The following CACNA1C variants were observed in gnomAD, a reference collection of about 807,000 sequenced individuals.
The protein encoded by CACNA1C is voltage-dependent L-type calcium channel subunit alpha-1C.
In CACNA1C, 30 loss-of-function variants were observed where a neutral mutation model predicts 229.0. The ratio of observed to expected loss-of-function variants is 0.13; its 90% CI spans 0.10 to 0.18. The LOEUF (loss-of-function observed/expected upper bound fraction) is 0.18. Among genes scored for constraint, CACNA1C ranks in the 10% least tolerant of loss-of-function variants. CACNA1C has a pLI of 1.00. For synonymous variants in CACNA1C, 1,114 were observed against 1,132.5 expected (o/e 0.98, Z 0.33); for missense variants, 1,658 against 2,845.0 (o/e 0.58, Z 9.49).
chr12:2,624,410 T>C (rs1346107456), intron 29 of CACNA1C, among the ~76,000 whole-genome samples: 2 of 152,130 alleles, frequency 1.3e-5, no homozygotes, highest in Non-Finnish European at 2.9e-5. Flanking sequence ...ACACTGATAG[T>C]GGGGGAGTCT....
At chr12:2,471,133 A>G (rs1349017746) in intron 5 of CACNA1C, among the ~76,000 whole-genome samples, 1 of 152,210 alleles carries the variant, frequency 6.6e-6, no homozygotes, top group Non-Finnish European at 1.5e-5. Context: ...TGCCTGACGT[A>G]CACATCATTT....
intron 5 of CACNA1C, among the ~76,000 whole-genome samples, chr12:2,461,851 C>G (rs2099506151): frequency 6.6e-6 from 1 of 152,224 alleles, no homozygotes; most frequent in South Asian, 2.1e-4. Flanking sequence ...GCCCTCGCCT[C>G]CGTCCTGGAT....
rs192753361 is a variant in CACNA1C, at chr12:2,126,347, T to C, written c.477+5917T>C. Among the ~76,000 whole-genome samples the C allele has an allele frequency of 3.6e-4, 55 of 152,328 alleles. 1 individual carries two copies. In the East Asian group the frequency reaches 9.3e-3, roughly 26 times the overall value. ...TCTATGCAGCACATCGTTTATAATATAGCAGCTGTAACCCCTGTCTACCAA... is the reference window on the plus strand; with the variant it reads ...TCTATGCAGCACATCGTTTATAATACAGCAGCTGTAACCCCTGTCTACCAA... On this transcript the variant is annotated intron_variant, in intron 3 of 46. Coordinates refer to ENST00000399655, the MANE Select transcript of CACNA1C (RefSeq NM_000719.7).
chr12:2,432,687 A>C (rs1278633939), intron 3 of CACNA1C, among the ~76,000 whole-genome samples: 1 of 152,192 alleles, frequency 6.6e-6, no homozygotes, highest in Non-Finnish European at 1.5e-5. Context: ...TTTTTAAAAA[A>C]TGGAGTGTGT....
intron 3 of CACNA1C, among the ~76,000 whole-genome samples, chr12:2,386,945 C>CCG: frequency 6.6e-6 from 1 of 152,348 alleles, no homozygotes; most frequent in South Asian, 2.1e-4. Flanking sequence ...ACTGCCATTC[C>CCG]TGTGATGGAC....
At chr12:2,277,484 A>C (rs187964341) in intron 3 of CACNA1C, among the ~76,000 whole-genome samples, 6 of 150,790 alleles carry the variant, frequency 4.0e-5, no homozygotes, top group Non-Finnish European at 5.9e-5. Context: ...CTGTTTCCCA[A>C]CTGTTGCTCT....
At chr12:2,052,163 G>A (rs181265317), upstream of CACNA1C, among the ~76,000 whole-genome samples, 839 of 152,260 alleles carry the variant, frequency 5.5e-3, 10 homozygotes, top group African/African-American at 0.019. Context: ...CGGAGTTGCA[G>A]AAATAATTAA....
intron 3 of CACNA1C, among the ~76,000 whole-genome samples, chr12:2,421,062 T>G (rs1330878474): frequency 6.6e-6 from 1 of 152,250 alleles, no homozygotes; most frequent in Non-Finnish European, 1.5e-5. Flanking sequence ...TCCATCAGTG[T>G]CAAGAAGACA....
chr12:1,973,740 A>G (rs1780801416), intron 1 of CACNA1C, among the ~76,000 whole-genome samples: 1 of 152,240 alleles, frequency 6.6e-6, no homozygotes, highest in South Asian at 2.1e-4. Context: ...TTTAAAAATT[A>G]GGAAGCAGAA....
At chr12:2,197,031 C>A (rs1407696670) in intron 3 of CACNA1C, among the ~76,000 whole-genome samples, 1 of 152,146 alleles carries the variant, frequency 6.6e-6, no homozygotes, top group Admixed American at 6.5e-5. Context: ...AGCTGCCCAG[C>A]AAAGTAAATG....
intron 5 of CACNA1C, among the ~76,000 whole-genome samples, chr12:2,460,471 T>C (rs2099492700): frequency 6.6e-6 from 1 of 152,182 alleles, no homozygotes; most frequent in Non-Finnish European, 1.5e-5. Context: ...GAGATGAATA[T>C]GGTTGAGAGC....
In CACNA1C at chr12:2,595,028, G is replaced by A. The variant is rs1032911538; in HGVS notation, c.2664-846G>A. Among the ~76,000 whole-genome samples, 2 of 152,196 alleles carry A rather than the reference G, an allele frequency of 1.3e-5. No individual in the cohort carries two copies. Among genetic ancestry groups the A allele is most frequent in the Middle Eastern group, 3.2e-3 (1 of 316 alleles). On this transcript the variant is annotated intron_variant, in intron 19 of 46. Transcript: ENST00000399655. This position sits in a 1 kb window ranked among gnomAD's most constrained non-coding sequence, Gnocchi z 4.1. ...GGTTGGTGGGAGGGGTTGTTGGTTT[G>A]AAGCAGATGATTCTTACAGCCATCT...
intron 1 of CACNA1C, among the ~76,000 whole-genome samples, chr12:2,022,343 A>G (rs1750902340): frequency 6.6e-6 from 1 of 152,082 alleles, no homozygotes; most frequent in Non-Finnish European, 1.5e-5. Flanking sequence ...TCTTAAATGT[A>G]TGTATAGCTC....
At chr12:2,081,488 G>A (rs1434360698) in intron 1 of CACNA1C, among the ~76,000 whole-genome samples, 18 of 151,896 alleles carry the variant, frequency 1.2e-4, no homozygotes, top group Admixed American at 6.6e-5. Flanking sequence ...GGAGAATGGC[G>A]TGAACCCGGG....
rs2047826533 is a variant in CACNA1C, at chr12:2,029,251, T to C, written c.139+58050T>C. 6.6e-6 allele frequency among the ~76,000 whole-genome samples: 1 copy of C among 152,204 alleles called. No individual in the cohort carries two copies. Among genetic ancestry groups the C allele is most frequent in the Non-Finnish European group, 1.5e-5 (1 of 68,036 alleles). On this transcript the variant is annotated intron_variant, in intron 1 of 46. Coordinates refer to the CACNA1C transcript ENST00000682462. The surrounding 1 kb of genome is among the most constrained non-coding windows in gnomAD (Gnocchi z 4.9). ...AGTTGTCATTCGTGGGGCCAATATG[T>C]TGATGCTGCATTTATAAATTTTTAA...
intron 1 of CACNA1C, among the ~76,000 whole-genome samples, chr12:2,068,418 G>A (rs1024797256): frequency 6.6e-6 from 1 of 152,198 alleles, no homozygotes; most frequent in East Asian, 1.9e-4. Context: ...AAGACCTAGT[G>A]TCTCTGAGTT....
At chr12:2,593,785 C>T (rs1383121668) in intron 19 of CACNA1C, among the ~76,000 whole-genome samples, 1 of 152,214 alleles carries the variant, frequency 6.6e-6, no homozygotes, top group Non-Finnish European at 1.5e-5. Flanking sequence ...TATATAGATA[C>T]TGTGTGTTTG....
Position 2,607,327 on chromosome 12 carries a change from G to T in CACNA1C, c.3356+197G>T, listed in dbSNP as rs1410346114. The T allele has an allele frequency of 2.7e-5, 15 of 560,778 alleles. No homozygotes were observed. The Admixed American group carries it at 4.8e-4, about 18-fold the overall frequency. The allele number at this position is 560,778 out of a possible 1,614,324, so 34.7% of individuals were successfully genotyped here. The stretch of plus-strand genomic sequence containing the variant: ...GCTGAAACCGACTCTTCTTTCTCTA[G>T]AAGGTGTCAAGAAACTCCCACCAAA... On this transcript the variant is annotated intron_variant, in intron 26 of 46. Coordinates refer to ENST00000399655, the MANE Select transcript of CACNA1C (RefSeq NM_000719.7).
chr12:2,387,896 T>C (rs2098420327), intron 3 of CACNA1C, among the ~76,000 whole-genome samples: 1 of 152,170 alleles, frequency 6.6e-6, no homozygotes, highest in South Asian at 2.1e-4. Flanking sequence ...GAAACCCCAC[T>C]GAGGCATAAA....
Sources: allele counts gnomAD v4.1 joint callset (sites outside exome capture counted in the v4.1 genomes callset), GRCh38; gene constraint gnomAD v4.1.1; non-coding constraint Gnocchi (gnomAD v3.1); transcripts MANE v1.5; gene names NCBI Gene and HGNC (gene_info 2026-07-23, HGNC 2026-07-21).